Variants in CACNA2D3 observed in about 807,000 individuals in gnomAD.
CACNA2D3 encodes calcium voltage-gated channel auxiliary subunit alpha2delta 3, also known as voltage-dependent calcium channel subunit alpha-2/delta-3.
Under a neutral mutation model 160.6 loss-of-function variants are expected in CACNA2D3, and 60 were observed. That is an observed-to-expected ratio of 0.37 (90% CI 0.30 to 0.46). The LOEUF is 0.46. Ranked by LOEUF, CACNA2D3 falls within the 20% of genes least tolerant of loss-of-function variation. The pLI is 1.00. For synonymous variants in CACNA2D3, 558 were observed against 492.9 expected (o/e 1.13, Z -1.75); for missense variants, 1,205 against 1,365.0 (o/e 0.88, Z 1.85).
intron 3 of CACNA2D3, among the ~76,000 whole-genome samples, chr3:54,328,632 GCTC>G (rs1323464543): frequency 6.6e-6 from 1 of 152,114 alleles, no homozygotes; most frequent in Non-Finnish European, 1.5e-5. Context: ...GGTCCCTCCG[GCTC>G]CTCATCTGTC....
chr3:54,141,060 C>CTGTGTGTGTGT, intron 2 of CACNA2D3, among the ~76,000 whole-genome samples: 1 of 41,282 alleles, frequency 2.4e-5, no homozygotes, highest in Admixed American at 2.1e-4. Flanking sequence ...GCAGGTGAAA[C>CTGTGTGTGTGT]CTGTGTGTGT....
intron 13 of CACNA2D3, among the ~76,000 whole-genome samples, chr3:54,804,647 C>A (rs1218184585): frequency 6.6e-6 from 1 of 152,146 alleles, no homozygotes; most frequent in Non-Finnish European, 1.5e-5. Context: ...ATCAACGAGA[C>A]AGAAAGTTAA....
intron 4 of CACNA2D3, among the ~76,000 whole-genome samples, chr3:54,416,270 A>T (rs1224461961): frequency 6.6e-6 from 1 of 152,214 alleles, no homozygotes; most frequent in African/African-American, 2.4e-5. Context: ...GCCCAAGATT[A>T]TGCAGTGGAT....
intron 14 of CACNA2D3, among the ~76,000 whole-genome samples, chr3:54,836,532 C>T (rs1056245857): frequency 3.3e-5 from 5 of 151,470 alleles, no homozygotes; most frequent in African/African-American, 7.3e-5. Flanking sequence ...CCACGCCTGT[C>T]CTCAAGGGCC....
chr3:54,712,759 C>T (rs1446996706), intron 11 of CACNA2D3, among the ~76,000 whole-genome samples: 2 of 152,210 alleles, frequency 1.3e-5, no homozygotes, highest in East Asian at 1.9e-4. Flanking sequence ...TGGCCCATTG[C>T]CCCTTCCATC....
chr3:55,066,449 C>A (rs1223393789), intron 35 of CACNA2D3, among the ~76,000 whole-genome samples: 1 of 152,166 alleles, frequency 6.6e-6, no homozygotes, highest in Non-Finnish European at 1.5e-5. Context: ...AACAAGCTCT[C>A]CACATGTGCA....
intron 3 of CACNA2D3, among the ~76,000 whole-genome samples, chr3:54,369,995 C>G (rs1698896469): frequency 6.6e-6 from 1 of 152,216 alleles, no homozygotes; most frequent in Non-Finnish European, 1.5e-5. Context: ...TAATTAGCTT[C>G]ATGCCCCTTA....
At chr3:54,724,809 G>A (rs1230871667) in intron 11 of CACNA2D3, among the ~76,000 whole-genome samples, 1 of 152,108 alleles carries the variant, frequency 6.6e-6, no homozygotes, top group Non-Finnish European at 1.5e-5. Context: ...ATGCCCACAA[G>A]AGAAAGCAGG....
At chr3:54,509,448 A>G (rs561233739) in intron 5 of CACNA2D3, among the ~76,000 whole-genome samples, 2 of 152,234 alleles carry the variant, frequency 1.3e-5, no homozygotes, top group African/African-American at 4.8e-5. Context: ...TTAGGCTCCA[A>G]TCTTGCTTCC....
chr3:54,194,193 G>A (rs1316392098), intron 2 of CACNA2D3, among the ~76,000 whole-genome samples: 1 of 152,074 alleles, frequency 6.6e-6, no homozygotes, highest in Non-Finnish European at 1.5e-5. Flanking sequence ...ACAATGTGTT[G>A]TATATTTCAG....
At chr3:54,554,572 C>G (rs748645277) in intron 5 of CACNA2D3, among the ~76,000 whole-genome samples, 1 of 152,232 alleles carries the variant, frequency 6.6e-6, no homozygotes, top group East Asian at 1.9e-4. Flanking sequence ...GTATGCAGTC[C>G]TCCCACCACA....
At chr3:54,408,379 T>C (rs776390426) in intron 4 of CACNA2D3, among the ~76,000 whole-genome samples, 6 of 152,016 alleles carry the variant, frequency 3.9e-5, no homozygotes, top group Non-Finnish European at 7.4e-5. Context: ...AAAACCAAAA[T>C]GGAGTCAGTC....
intron 2 of CACNA2D3, among the ~76,000 whole-genome samples, chr3:54,308,115 A>G (rs1049624492): frequency 3.3e-5 from 5 of 152,130 alleles, no homozygotes; most frequent in African/African-American, 1.2e-4. Flanking sequence ...GTTCCCAGCC[A>G]AGTTTTAATC....
chr3:54,936,929 G>A (rs1000187815), intron 27 of CACNA2D3, among the ~76,000 whole-genome samples: 6 of 152,096 alleles, frequency 3.9e-5, no homozygotes, highest in African/African-American at 7.2e-5. Flanking sequence ...TCACTGCTAC[G>A]GCTGATGTTT....
chr3:54,811,465 CTTTTTTTTTTTTTTTTTTTTTT>C (rs71096451), intron 13 of CACNA2D3, among the ~76,000 whole-genome samples: 7 of 111,614 alleles, frequency 6.3e-5, no homozygotes, highest in South Asian at 6.8e-4. Context: ...TCCCTCAGTT[CTTTTTTTTTTTTTTTTTTTTTT>C]TTTTTTTTTT....
intron 4 of CACNA2D3, among the ~76,000 whole-genome samples, chr3:54,472,631 A>G (rs1700754178): frequency 6.6e-6 from 1 of 152,234 alleles, no homozygotes; most frequent in Non-Finnish European, 1.5e-5. Flanking sequence ...GTATATTTAG[A>G]AAACCCCATC....
intron 2 of CACNA2D3, among the ~76,000 whole-genome samples, chr3:54,194,698 G>T (rs1307908030): frequency 6.6e-6 from 1 of 152,228 alleles, no homozygotes; most frequent in African/African-American, 2.4e-5. Context: ...TTCACGTGAA[G>T]ATGCGTTCCT....
intron 17 of CACNA2D3, among the ~76,000 whole-genome samples, chr3:54,852,724 G>A (rs942402453): frequency 3.9e-5 from 6 of 152,208 alleles, no homozygotes; most frequent in Non-Finnish European, 8.8e-5. Context: ...ATGCTAATCA[G>A]TGTAAATGTT....
intron 27 of CACNA2D3, among the ~76,000 whole-genome samples, chr3:54,958,113 C>T (rs939098454): frequency 7.2e-5 from 11 of 152,210 alleles, no homozygotes. Context: ...AACAAAGAGC[C>T]TCAACCTCTA....
Sources: allele counts gnomAD v4.1 joint callset (sites outside exome capture counted in the v4.1 genomes callset), GRCh38; gene constraint gnomAD v4.1.1; transcripts MANE v1.5; gene names NCBI Gene and HGNC (gene_info 2026-07-23, HGNC 2026-07-21).